Variants in CXXC5 observed in about 807,000 individuals in gnomAD.
The protein encoded by CXXC5 is CXXC-type zinc finger protein 5.
In CXXC5, 2 loss-of-function variants were observed where a neutral mutation model predicts 17.6. The observed-to-expected ratio is 0.11, with a 90% CI of 0.05 to 0.36. CXXC5 has a LOEUF of 0.36. CXXC5 is among the 10% of genes least tolerant of loss of function. The pLI, the probability that CXXC5 is intolerant of heterozygous loss-of-function variation, is 1.00. For synonymous variants in CXXC5, 171 were observed against 193.0 expected (o/e 0.89, Z 0.94); for missense variants, 343 against 458.3 (o/e 0.75, Z 2.30).
At chr5:139,650,297 G>A (rs1197384087) in intron 1 of CXXC5, among the ~76,000 whole-genome samples, 1 of 150,022 alleles carries the variant, frequency 6.7e-6, no homozygotes, top group Non-Finnish European at 1.5e-5. Context: ...GCCTTCGGAT[G>A]GGGGGGGAGC....
intron 1 of CXXC5, among the ~76,000 whole-genome samples, chr5:139,657,149 A>G (rs1755535261): frequency 6.6e-6 from 1 of 152,228 alleles, no homozygotes; most frequent in South Asian, 2.1e-4. Context: ...TCCCCACAGT[A>G]GCCTCAGGTG....
intron 1 of CXXC5, among the ~76,000 whole-genome samples, chr5:139,654,871 G>A (rs940350379): frequency 1.3e-5 from 2 of 152,218 alleles, no homozygotes; most frequent in African/African-American, 4.8e-5. Flanking sequence ...AGGTGGTGAA[G>A]CTAGTAATGG....
Position 139,680,519 on chromosome 5 carries a change from C to T in CXXC5, c.-5C>T, listed in dbSNP as rs772952720. 4.5e-6 allele frequency: 7 copies of T among 1,552,504 alleles called. No individual in the cohort carries two copies. Among genetic ancestry groups the T allele is most frequent in the Non-Finnish European group, 6.1e-6 (7 of 1,150,174 alleles). On this transcript the variant is annotated 5_prime_UTR_variant, in exon 2 of 3. Coordinates refer to ENST00000302517, the MANE Select transcript of CXXC5 (RefSeq NM_016463.9). ...CTGCAGTGGGGTCTGGGCCTCGGCC[C>T]CACCATGTCGAGCCTCGGCGGTGGC...
chr5:139,649,575 A>G (rs1335054744), intron 1 of CXXC5: 1 of 151,876 alleles, frequency 6.6e-6, no homozygotes, highest in African/African-American at 2.4e-5. Context: ...CGGGCTGATG[A>G]AGTTTGACCT....
At chr5:139,655,182 G>C (rs1029201543) in intron 1 of CXXC5, among the ~76,000 whole-genome samples, 1 of 152,080 alleles carries the variant, frequency 6.6e-6, no homozygotes, top group Non-Finnish European at 1.5e-5. Context: ...ACTAATCCCC[G>C]AGGCCCATCC....
chr5:139,659,228 G>T (rs887269531), intron 1 of CXXC5, among the ~76,000 whole-genome samples: 5 of 152,146 alleles, frequency 3.3e-5, no homozygotes, highest in African/African-American at 1.2e-4. Context: ...GTAGGGGTGT[G>T]ACTTGGTGAC....
In CXXC5 at chr5:139,668,219, C is replaced by T. The variant is rs1756222241; in HGVS notation, c.-160-12145C>T. Among the ~76,000 whole-genome samples, 1 of 152,194 alleles carries T rather than the reference C, an allele frequency of 6.6e-6. No homozygotes were observed. Among genetic ancestry groups the T allele is most frequent in the African/African-American group, 2.4e-5 (1 of 41,446 alleles). On this transcript the variant is annotated intron_variant, in intron 1 of 2. Coordinates refer to ENST00000302517, the MANE Select transcript of CXXC5 (RefSeq NM_016463.9). The surrounding 1 kb of genome is among the most constrained non-coding windows in gnomAD (Gnocchi z 4.1). ...AAAAATGAAACCAATTAAGGACAAACTTTGAAAGCCTCTAATTGCTGCGCC... is the reference window on the plus strand; with the variant it reads ...AAAAATGAAACCAATTAAGGACAAATTTTGAAAGCCTCTAATTGCTGCGCC...
rs796177168 is a variant in CXXC5, at chr5:139,670,856, C to A, written c.-160-9508C>A. On this transcript the variant is annotated intron_variant, in intron 1 of 2. Coordinates refer to ENST00000302517, the MANE Select transcript of CXXC5 (RefSeq NM_016463.9). The surrounding 1 kb of genome is among the most constrained non-coding windows in gnomAD (Gnocchi z 4.2). ...GACATCTTGAGACTACACACTCAAC[C>A]GGGCACATTCACAGTCCACTGGACA... Among the ~76,000 whole-genome samples, 6 of 152,334 alleles carry A rather than the reference C, an allele frequency of 3.9e-5. No individual in the cohort carries two copies. Among genetic ancestry groups the A allele is most frequent in the African/African-American group, 1.4e-4 (6 of 41,570 alleles).
chr5:139,655,877 G>A (rs1452082957), intron 1 of CXXC5, among the ~76,000 whole-genome samples: 3 of 152,316 alleles, frequency 2.0e-5, no homozygotes, highest in Middle Eastern at 3.4e-3. Context: ...GCAGCGGGCA[G>A]GCGGGCCTCA....
intron 1 of CXXC5, among the ~76,000 whole-genome samples, chr5:139,678,410 G>C (rs537345723): frequency 2.0e-5 from 3 of 152,122 alleles, no homozygotes; most frequent in Admixed American, 6.5e-5. Context: ...CCCTGCCAGG[G>C]CCCCCCGGCT....
At chr5:139,653,180 G>C (rs1442242237) in intron 1 of CXXC5, among the ~76,000 whole-genome samples, 1 of 152,202 alleles carries the variant, frequency 6.6e-6, no homozygotes, top group African/African-American at 2.4e-5. Flanking sequence ...CTGCCTGCCT[G>C]CTGGGAGTTT....
At chr5:139,653,780 C>T (rs555082640) in intron 1 of CXXC5, among the ~76,000 whole-genome samples, 28 of 152,136 alleles carry the variant, frequency 1.8e-4, no homozygotes, top group Admixed American at 3.3e-4. Flanking sequence ...CCTAATCCCC[C>T]GCCAGCTCAA....
intron 1 of CXXC5, among the ~76,000 whole-genome samples, chr5:139,674,486 T>C (rs1232060276): frequency 1.3e-5 from 2 of 152,094 alleles, no homozygotes; most frequent in Non-Finnish European, 2.9e-5. Context: ...TGGGCCAGTG[T>C]TGGGGGTCCT....
rs970384051 is a variant in CXXC5 at position 139,670,016 on chromosome 5, G to T, written c.-160-10348G>T. Among the ~76,000 whole-genome samples, 1 of 152,226 alleles carries T rather than the reference G, an allele frequency of 6.6e-6. No homozygotes were observed. Among genetic ancestry groups the T allele is most frequent in the Non-Finnish European group, 1.5e-5 (1 of 68,036 alleles). On this transcript the variant is annotated intron_variant, in intron 1 of 2. Transcript: ENST00000302517. This position sits in a 1 kb window ranked among gnomAD's most constrained non-coding sequence, Gnocchi z 4.2. ...CGACCCTGGCCTGGGGGAGGTGCTG[G>T]GGGGGTTCTGCAGCACTGTGGCGGC...
chr5:139,677,941 G>T (rs1181378979), intron 1 of CXXC5, among the ~76,000 whole-genome samples: 1 of 152,274 alleles, frequency 6.6e-6, no homozygotes, highest in Non-Finnish European at 1.5e-5. Context: ...CTGGGAGGAG[G>T]GAGGGGGTGA....
At chr5:139,654,215 G>T (rs995374025) in intron 1 of CXXC5, among the ~76,000 whole-genome samples, 7 of 152,154 alleles carry the variant, frequency 4.6e-5, no homozygotes, top group Non-Finnish European at 7.3e-5. Context: ...GGTGTCCCTT[G>T]TCAGAGCCAA....
intron 1 of CXXC5, among the ~76,000 whole-genome samples, chr5:139,651,972 C>G (rs886860039): frequency 1.3e-5 from 2 of 152,168 alleles, no homozygotes; most frequent in African/African-American, 4.8e-5. Context: ...GTATCAAACC[C>G]CACCCTTCTG....
chr5:139,679,518 C>T (rs1757059932), intron 1 of CXXC5, among the ~76,000 whole-genome samples: 1 of 152,180 alleles, frequency 6.6e-6, no homozygotes, highest in Non-Finnish European at 1.5e-5. Context: ...GCCTGCAGGA[C>T]ATGTCAGAGC....
rs13355248 is a variant in CXXC5, at chr5:139,682,814, C to T, written c.925-49C>T. Reference sequence around the variant, plus strand: ...GGAACGTCTTTGCTCCAGGCCTACCCGGACCCTGACTGAACTCTCTCCTTG... The same window carrying T: ...GGAACGTCTTTGCTCCAGGCCTACCTGGACCCTGACTGAACTCTCTCCTTG... On this transcript the variant is annotated intron_variant, in intron 2 of 2. Transcript: ENST00000302517. 9.5e-3 allele frequency: 14,771 copies of T among 1,552,290 alleles called. 1,296 individuals are homozygous for T. In the African/African-American group the frequency reaches 0.18, roughly 19 times the overall value.
Sources: gnomAD v4.1 joint callset for allele counts (sites outside exome capture counted in the v4.1 genomes callset) on GRCh38, gnomAD v4.1.1 for gene constraint, Gnocchi (gnomAD v3.1) non-coding constraint, MANE v1.5 for transcripts, NCBI Gene and HGNC (gene_info 2026-07-23, HGNC 2026-07-21) for gene names.